RAPGEF2: variants seen among roughly 807,000 people sequenced by gnomAD.
RAPGEF2 encodes Rap guanine nucleotide exchange factor 2.
A neutral mutation model predicts 186.7 loss-of-function variants in RAPGEF2; 54 were observed. That is an observed-to-expected ratio of 0.29 (90% CI 0.23 to 0.36). The LOEUF (loss-of-function observed/expected upper bound fraction) is 0.36, where lower values mean the gene tolerates loss of function less well. Ranked by LOEUF, RAPGEF2 falls within the 10% of genes least tolerant of loss-of-function variation. The probability of loss-of-function intolerance (pLI) is 1.00; values close to 1 mark genes in which losing one functional copy is unlikely to be tolerated. For synonymous variants in RAPGEF2, 712 were observed against 705.9 expected, an observed-to-expected ratio of 1.01 and a Z score of -0.14; for missense variants, 1,532 against 2,045.0, an observed-to-expected ratio of 0.75 and a Z score of 4.84.
intron 1 of RAPGEF2, among the ~76,000 whole-genome samples, chr4:159,117,469 G>A (rs1739168251): frequency 6.6e-6 from 1 of 152,106 alleles, no homozygotes; most frequent in Admixed American, 6.5e-5. Flanking sequence ...ATTTTCTCTG[G>A]TGTGGTTTAA....
intron 2 of RAPGEF2, among the ~76,000 whole-genome samples, chr4:159,188,390 G>C (rs909701270): frequency 6.6e-6 from 1 of 152,048 alleles, no homozygotes; most frequent in African/African-American, 2.4e-5. Flanking sequence ...TAGGCTGGGC[G>C]TGGTGGCTCA....
chr4:159,292,329 C>A (rs1176151235), intron 7 of RAPGEF2, among the ~76,000 whole-genome samples: 1 of 152,332 alleles, frequency 6.6e-6, no homozygotes, highest in East Asian at 1.9e-4. Context: ...GTGTTTGTTG[C>A]TGAAATGCCT....
At chr4:159,139,146 A>C (rs186507980) in intron 1 of RAPGEF2, among the ~76,000 whole-genome samples, 1 of 152,196 alleles carries the variant, frequency 6.6e-6, no homozygotes, top group African/African-American at 2.4e-5. Flanking sequence ...TGTGTATGGC[A>C]CTGTGTTGCC....
intron 7 of RAPGEF2, among the ~76,000 whole-genome samples, chr4:159,269,855 A>C (rs922085236): frequency 3.9e-5 from 6 of 152,204 alleles, no homozygotes; most frequent in Non-Finnish European, 5.9e-5. Flanking sequence ...TAAAAAAAGA[A>C]AAGAAAATTG....
chr4:159,356,983 G>A (rs1294954784), intron 29 of RAPGEF2, among the ~76,000 whole-genome samples: 3 of 152,218 alleles, frequency 2.0e-5, no homozygotes, highest in African/African-American at 7.2e-5. Context: ...CTCAAAGGTG[G>A]ATGGTTAAAG....
chr4:159,260,392 CCAAA>C (rs1756680383), intron 7 of RAPGEF2, among the ~76,000 whole-genome samples: 2 of 152,000 alleles, frequency 1.3e-5, no homozygotes, highest in Non-Finnish European at 1.5e-5. Flanking sequence ...AATCTTATCC[CCAAA>C]CAGTTTTGTT....
intron 1 of RAPGEF2, among the ~76,000 whole-genome samples, chr4:159,124,177 C>A (rs1219383792): frequency 6.6e-6 from 1 of 151,408 alleles, no homozygotes. Flanking sequence ...GTTAGATGTG[C>A]TAAGTTTTTC....
intron 4 of RAPGEF2, among the ~76,000 whole-genome samples, chr4:159,213,245 G>A (rs1473771822): frequency 6.6e-6 from 1 of 152,184 alleles, no homozygotes. Context: ...ATGGTGTTAT[G>A]TTGAAGATTG....
At chr4:159,267,091 G>A (rs531417135) in intron 7 of RAPGEF2, 13 of 1,082,598 alleles carry the variant, frequency 1.2e-5, no homozygotes, top group African/African-American at 1.6e-5. Flanking sequence ...ATAGGGAGAG[G>A]GAGGGTGAGA....
intron 4 of RAPGEF2, among the ~76,000 whole-genome samples, chr4:159,217,754 A>T (rs894575646): frequency 2.0e-5 from 3 of 152,184 alleles, no homozygotes; most frequent in Non-Finnish European, 2.9e-5. Flanking sequence ...CAATGTCTGA[A>T]CTAATTTACA....
At chr4:159,267,985 G>A in intron 7 of RAPGEF2, 2 of 1,414,416 alleles carry the variant, frequency 1.4e-6, no homozygotes, top group Non-Finnish European at 1.8e-6. Context: ...GTCTACAAGT[G>A]TGAAGGGTTT....
At chr4:159,302,239 G>A (rs1243747383) in intron 7 of RAPGEF2, among the ~76,000 whole-genome samples, 1 of 152,102 alleles carries the variant, frequency 6.6e-6, no homozygotes, top group Non-Finnish European at 1.5e-5. Flanking sequence ...TTCTTAGTCA[G>A]GGAAGATGAT....
At chr4:159,144,798 C>G (rs938865741) in intron 1 of RAPGEF2, among the ~76,000 whole-genome samples, 1 of 151,432 alleles carries the variant, frequency 6.6e-6, no homozygotes, top group Non-Finnish European at 1.5e-5. Context: ...ATAGCTCTAA[C>G]CTTTTAAGTA....
At chr4:159,278,340 G>A (rs916394412) in intron 7 of RAPGEF2, among the ~76,000 whole-genome samples, 1 of 152,072 alleles carries the variant, frequency 6.6e-6, no homozygotes, top group Non-Finnish European at 1.5e-5. Flanking sequence ...GGATAGAATG[G>A]GGTTGAAGAT....
chr4:159,114,931 A>G (rs1738882145), intron 1 of RAPGEF2, among the ~76,000 whole-genome samples: 1 of 152,208 alleles, frequency 6.6e-6, no homozygotes, highest in South Asian at 2.1e-4. Context: ...TAATAGTGTT[A>G]TCTAAGCTGA....
chr4:159,131,497 T>A (rs1741068170), intron 1 of RAPGEF2, among the ~76,000 whole-genome samples: 1 of 151,366 alleles, frequency 6.6e-6, no homozygotes, highest in Non-Finnish European at 1.5e-5. Context: ...ATTATCTTGA[T>A]ATCTTTGTCT....
chr4:159,276,438 A>G (rs1380625669), intron 7 of RAPGEF2, among the ~76,000 whole-genome samples: 1 of 152,240 alleles, frequency 6.6e-6, no homozygotes, highest in African/African-American at 2.4e-5. Flanking sequence ...TAGGGATAAC[A>G]TTTACCTAAA....
At chr4:159,156,778 C>G (rs1461709822) in intron 1 of RAPGEF2, among the ~76,000 whole-genome samples, 1 of 152,060 alleles carries the variant, frequency 6.6e-6, no homozygotes, top group Admixed American at 6.6e-5. Flanking sequence ...TGCAGTTGGT[C>G]TCGATATCTG....
At chr4:159,241,857 C>CAT (rs1484893490) in intron 6 of RAPGEF2, among the ~76,000 whole-genome samples, 1 of 151,992 alleles carries the variant, frequency 6.6e-6, no homozygotes, top group African/African-American at 2.4e-5. Context: ...GTAAAAATTA[C>CAT]ATTATTTTTC....
Sources: gnomAD v4.1 joint callset for allele counts (sites outside exome capture counted in the v4.1 genomes callset) on GRCh38, gnomAD v4.1.1 for gene constraint, MANE v1.5 for transcripts, NCBI Gene and HGNC (gene_info 2026-07-23, HGNC 2026-07-21) for gene names.